Variants in ATP13A1 observed in about 807,000 individuals in gnomAD.
The protein encoded by ATP13A1 is endoplasmic reticulum transmembrane helix translocase.
ATP13A1 carries 55 observed loss-of-function variants against 134.8 expected under a neutral mutation model. The ratio of observed to expected loss-of-function variants is 0.41; its 90% CI spans 0.33 to 0.51. ATP13A1 has a LOEUF of 0.51. Among genes scored for constraint, ATP13A1 ranks in the 20% least tolerant of loss-of-function variants. The pLI, the probability that ATP13A1 is intolerant of heterozygous loss-of-function variation, is 0.29. For missense variants in ATP13A1, 1,389 were observed against 1,652.8 expected, an observed-to-expected ratio of 0.84 and a Z score of 2.77; for synonymous variants, 775 against 725.1, an observed-to-expected ratio of 1.07 and a Z score of -1.10.
intron 1 of ATP13A1, chr19:19,662,160 A>C (rs2145025007): frequency 2.6e-6 from 4 of 1,552,512 alleles, no homozygotes; most frequent in Non-Finnish European, 3.5e-6. Context: ...GCTGCAGGTC[A>C]AAAGGCAGCT....
chr19:19,652,027 C>A (rs1221016152), intron 16 of ATP13A1, among the ~76,000 whole-genome samples: 1 of 152,040 alleles, frequency 6.6e-6, no homozygotes, highest in Non-Finnish European at 1.5e-5. Flanking sequence ...CTTGGATTTG[C>A]AATACAAATG....
intron 16 of ATP13A1, 112 bp downstream of exon 16, chr19:19,652,483 T>C: frequency 7.0e-7 from 1 of 1,425,004 alleles, no homozygotes; most frequent in Non-Finnish European, 9.4e-7. Flanking sequence ...CTTGCTCAGC[T>C]AAAACATGCA....
Position 19,653,808 on chromosome 19 carries a change from C to T in ATP13A1, c.2076G>A (p.Glu692=). The stretch of plus-strand genomic sequence containing the variant: ...CCTGCTGGTGAGTGAGGTGTCCCAG[C>T]TCCTTGTACCCCAGCGCCAGGACGC... ...GARVLALGYK[E]LGHLTHQQAR... The change falls in exon 15 of 26, where the codon GAG becomes GAA. Residue 692 remains glutamate, a synonymous_variant. Transcript: ENST00000357324. The surrounding 1 kb of genome is among the most constrained non-coding windows in gnomAD (Gnocchi z 4.2). 6.4e-7 allele frequency: 1 copy of T among 1,554,636 alleles called. No homozygotes were observed.
rs773218939 is a variant in ATP13A1, at chr19:19,656,272, G to C, written c.1084-89C>G. The C allele has an allele frequency of 3.6e-5, 55 of 1,514,160 alleles. No individual in the cohort carries two copies. The highest frequency in any genetic ancestry group is 1.4e-4 in the Admixed American group (7 of 49,286). The allele number at this position is 1,514,160 out of a possible 1,614,324, so 93.8% of individuals were successfully genotyped here. A position where few individuals can be genotyped will look rare whatever the true frequency, so the allele number is the denominator to read the frequency against. ...CCTGGACAGCTGGACCTTGAGGCTG[G>C]AATGAGCCAGGGGGATCCCCACCCG... is the stretch of plus-strand genomic sequence containing the variant. On this transcript the variant is annotated intron_variant, in intron 7 of 25. Transcript: ENST00000357324. The surrounding 1 kb of genome is among the most constrained non-coding windows in gnomAD (Gnocchi z 4.6).
At chr19:19,646,749 T>G (rs561936658) in intron 22 of ATP13A1, 1 of 369,524 alleles carries the variant, frequency 2.7e-6, no homozygotes, top group South Asian at 3.6e-5. Flanking sequence ...CTGGCCCCCC[T>G]GGTTCTTTAC....
chr19:19,662,041 C>A (rs994396410), intron 1 of ATP13A1: 22 of 1,562,920 alleles, frequency 1.4e-5, no homozygotes, highest in Non-Finnish European at 1.9e-5. Context: ...GCAGAAGCGG[C>A]CCTTTCTGAG....
At position 19,654,108 on chromosome 19, in the gene ATP13A1, C is replaced by T. The variant is rs757699280; in HGVS notation, c.1850G>A (p.Gly617Glu). Residue 617 changes from glycine to glutamate, a missense_variant, in exon 14 of 26, where the codon GGG (glycine) becomes GAG (glutamate). Physicochemically the swap from Gly to Glu is moderately conservative, Grantham distance 98 (BLOSUM62 -2). Transcript: ENST00000357324. ...KVFPRSIKTQGLKIHQRFHFA... is the reference protein window; with the variant it reads ...KVFPRSIKTQELKIHQRFHFA... ...ATGAAAGCGCTGGTGAATTTTCAGC[C>T]CCTGAGTTTTAATACTTCGGGGGAA... 8 of 1,592,836 alleles carry T rather than the reference C, an allele frequency of 5.0e-6. No homozygotes were observed. Among genetic ancestry groups the T allele is most frequent in the Non-Finnish European group, 6.0e-6 (7 of 1,169,846 alleles).
Position 19,656,770 on chromosome 19 carries a change from C to G in ATP13A1, c.977-4G>C, listed in dbSNP as rs780665214. The G allele has an allele frequency of 1.9e-6, 3 of 1,613,348 alleles. No individual in the cohort carries two copies. The highest frequency in any genetic ancestry group is 2.5e-6 in the Non-Finnish European group (3 of 1,179,796). On this transcript the variant is annotated splice_region_variant and splice_polypyrimidine_tract_variant and intron_variant, in intron 6 of 25. Coordinates refer to ENST00000357324, the MANE Select transcript of ATP13A1 (RefSeq NM_020410.3). This position sits in a 1 kb window ranked among gnomAD's most constrained non-coding sequence, Gnocchi z 4.6. ...AGGTTCTCCTGTGGGGAGCGGCCTG[C>G]AGGGCAGAGGCAGGAGGGTTGGCCA...
In ATP13A1 at chr19:19,655,401, C is replaced by T. The variant is rs760847031; in HGVS notation, c.1449G>A (p.Leu483=). The T allele has an allele frequency of 4.3e-6, 7 of 1,613,952 alleles. No individual in the cohort carries two copies. Among genetic ancestry groups the T allele is most frequent in the Non-Finnish European group, 5.9e-6 (7 of 1,179,870 alleles). ...CAGGAGGCACGACCGAGGTGAGGAT[C>T]AGGGTGCACTCCAGAAACAGCTTGT... ...NRYKLFLECT[L]ILTSVVPPEL... Residue 483 remains leucine, a synonymous_variant, in exon 11 of 26, where the codon CTG becomes CTA. Coordinates refer to ENST00000357324, the MANE Select transcript of ATP13A1 (RefSeq NM_020410.3). This position sits in a 1 kb window ranked among gnomAD's most constrained non-coding sequence, Gnocchi z 5.7.
chr19:19,663,111 C>A, intron 1 of ATP13A1, 160 bp downstream of exon 1: 1 of 1,063,268 alleles, frequency 9.4e-7, no homozygotes, highest in Non-Finnish European at 1.4e-6. Context: ...GCAGTGGGGT[C>A]ATGATTAAGC....
At chr19:19,648,795 G>C (rs926019178) in intron 19 of ATP13A1, among the ~76,000 whole-genome samples, 2 of 96,426 alleles carry the variant, frequency 2.1e-5, no homozygotes, top group African/African-American at 4.4e-5. Context: ...GGCAACAAGA[G>C]AGAAACTGTC....
chr19:19,656,008 A>C lies in ATP13A1; in HGVS notation c.1213+46T>G, dbSNP rs111815169. ...CCCTCATGATCAAGCAGACGGGCAA[A>C]GGGGGTGGAAGCCCAGATACCCCCA... On this transcript the variant is annotated intron_variant, in intron 8 of 25. Transcript: ENST00000357324. The surrounding 1 kb of genome is among the most constrained non-coding windows in gnomAD (Gnocchi z 4.6). 1.2e-6 allele frequency: 2 copies of C among 1,612,496 alleles called. No individual in the cohort carries two copies. Among genetic ancestry groups the C allele is most frequent in the Non-Finnish European group, 1.7e-6 (2 of 1,179,546 alleles).
chr19:19,654,460 G>C (rs892036), intron 13 of ATP13A1, 83 bp downstream of exon 13: 1,067,735 of 1,467,192 alleles, frequency 0.73, 391,221 homozygotes, highest in African/African-American at 0.92. Context: ...TCCCCAAGAT[G>C]CTCTGAGGGG....
In ATP13A1 at chr19:19,647,021, TCTGGGGCC is replaced by T. The variant is rs1158561054; in HGVS notation, c.3105+100_3105+107del. On this transcript the variant is annotated intron_variant, in intron 22 of 25. Transcript: ENST00000357324. The surrounding 1 kb of genome is among the most constrained non-coding windows in gnomAD (Gnocchi z 4.8). ...AGCCATCCCAGCTACAGCCCCCATCTCTGGGGCCCTGGGTCCTGTAACTTGGGGATGAC... is the reference window on the plus strand; with the variant it reads ...AGCCATCCCAGCTACAGCCCCCATCTCTGGGTCCTGTAACTTGGGGATGAC... The T allele has an allele frequency of 4.0e-6, 5 of 1,242,178 alleles. No individual in the cohort carries two copies. The South Asian group carries it at 6.0e-5, about 15-fold the overall frequency. The allele number at this position is 1,242,178 out of a possible 1,614,324, so 76.9% of individuals were successfully genotyped here.
In ATP13A1 at chr19:19,656,372, C is replaced by A. The variant is rs1454926709; in HGVS notation, c.1084-189G>T. Among the ~76,000 whole-genome samples, 1 of 152,152 alleles carries A rather than the reference C, an allele frequency of 6.6e-6. No individual in the cohort carries two copies. The highest frequency in any genetic ancestry group is 1.5e-5 in the Non-Finnish European group (1 of 68,018). On this transcript the variant is annotated intron_variant, in intron 7 of 25. Transcript: ENST00000357324. The surrounding 1 kb of genome is among the most constrained non-coding windows in gnomAD (Gnocchi z 4.6). ...TCTTCTCCCCATTGCACTCACAGTG[C>A]CTGCTCTCTGGGGCCTGCACTTGGC...
At position 19,647,270 on chromosome 19, in the gene ATP13A1, G is replaced by C. The variant is rs1043952484; in HGVS notation, c.2964C>G (p.Phe988Leu). Residue 988 changes from phenylalanine to leucine, a missense_variant, in exon 22 of 26, where the codon TTC becomes TTG. Physicochemically the swap from Phe to Leu is conservative, Grantham distance 22. Transcript: ENST00000357324. The surrounding 1 kb of genome is among the most constrained non-coding windows in gnomAD (Gnocchi z 4.8). ...TGAGGGCATTGAGCGCCAGGATCTTGAACATCTGTAGCGTGGTCACCAGCG... is the reference window on the plus strand; with the variant it reads ...TGAGGGCATTGAGCGCCAGGATCTTCAACATCTGTAGCGTGGTCACCAGCG... ...RCTLVTTLQM[F>L]KILALNALIL... 9 of 1,613,614 alleles carry C rather than the reference G, an allele frequency of 5.6e-6. No individual in the cohort carries two copies. The highest frequency in any genetic ancestry group is 5.3e-5 in the African/African-American group (4 of 74,898).
At chr19:19,651,445 C>T in intron 17 of ATP13A1, 1 of 399,458 alleles carries the variant, frequency 2.5e-6, no homozygotes, top group Non-Finnish European at 4.5e-6. Flanking sequence ...CCCGAGCTGG[C>T]AGTCAGACTA....
At chr19:19,646,552 G>A (rs1568424730) in intron 22 of ATP13A1, 13 of 631,200 alleles carry the variant, frequency 2.1e-5, no homozygotes, top group East Asian at 1.7e-4. Flanking sequence ...CCCTGGCCCC[G>A]GCTCCGCCAT....
chr19:19,645,755 C>A lies in ATP13A1; in HGVS notation c.3396G>T (p.Lys1132Asn). ...AAACTGCCAGACTCCACACCAGGGG[C>A]TTGTTCTCGGGCAGGCTCTCCATGA... Reference protein sequence around the residue: ...PPFMESLPENKPLVWSLAVSL... With the variant: ...PPFMESLPENNPLVWSLAVSL... The change falls in exon 25 of 26, where the codon AAG becomes AAT. Residue 1132 changes from lysine (K) to asparagine (N), a missense_variant. Around this residue, in one of 4 missense-constraint regions of ATP13A1, gnomAD observed 228 missense variants for 321.0 expected, o/e 0.71. Coordinates refer to ENST00000357324, the MANE Select transcript of ATP13A1 (RefSeq NM_020410.3). The surrounding 1 kb of genome is among the most constrained non-coding windows in gnomAD (Gnocchi z 4.1). 17 of 1,454,570 alleles carry A rather than the reference C, an allele frequency of 1.2e-5. No individual in the cohort carries two copies. Among genetic ancestry groups the A allele is most frequent in the Non-Finnish European group, 1.6e-5 (17 of 1,082,162 alleles). 90.1% of individuals were successfully genotyped at this position (1,454,570 alleles called of 1,614,324 possible). A position where few individuals can be genotyped will look rare whatever the true frequency, so the allele number is the denominator to read the frequency against.
Sources: gnomAD v4.1 joint callset for allele counts (sites outside exome capture counted in the v4.1 genomes callset) on GRCh38, gnomAD v4.1.1 for gene constraint, gnomAD v4.1.1 regional missense constraint, Gnocchi (gnomAD v3.1) non-coding constraint, MANE v1.5 for transcripts, NCBI Gene and HGNC (gene_info 2026-07-23, HGNC 2026-07-21) for gene names.